COL18A1: variants seen among roughly 807,000 people sequenced by gnomAD.
COL18A1 encodes the protein collagen type XVIII alpha 1 chain.
In COL18A1, 133 loss-of-function variants were observed where a neutral mutation model predicts 168.0. The observed-to-expected ratio is 0.79, with a 90% confidence interval of 0.69 to 0.91. The LOEUF is 0.91. Ranked by LOEUF, COL18A1 falls within the 40% of genes least tolerant of loss-of-function variation. The pLI is 0.00. For missense variants in COL18A1, 2,126 were observed against 1,925.4 expected, an observed-to-expected ratio of 1.10 and a Z score of -1.95; for synonymous variants, 949 against 809.0, an observed-to-expected ratio of 1.17 and a Z score of -2.94.
intron 2 of COL18A1, among the ~76,000 whole-genome samples, chr21:45,454,059 C>T (rs2034719589): frequency 6.6e-6 from 1 of 152,188 alleles, no homozygotes; most frequent in Admixed American, 6.5e-5. Context: ...ACAGCAGCAG[C>T]AGTCAGTTTT....
intron 2 of COL18A1, among the ~76,000 whole-genome samples, chr21:45,433,766 G>C (rs1247069015): frequency 6.6e-6 from 1 of 152,192 alleles, no homozygotes; most frequent in Non-Finnish European, 1.5e-5. Flanking sequence ...CCGTGTGACT[G>C]TTGGGTCATG....
At chr21:45,504,350 G>T in intron 33 of COL18A1, 66 bp from the exon 34 acceptor site, 1 of 1,533,702 alleles carries the variant, frequency 6.5e-7, no homozygotes, top group Non-Finnish European at 8.9e-7. Flanking sequence ...GGCTCGGGGG[G>T]ATGGGAGGCC....
At chr21:45,468,895 ACCCCAGCTGTGGTCAGCCCGGGC>A in intron 3 of COL18A1, 109 bp downstream of exon 3, 4 of 1,193,306 alleles carry the variant, frequency 3.4e-6, no homozygotes, top group Non-Finnish European at 3.4e-6. Context: ...GAGAGCCCCC[ACCCCAGCTGTGGTCAGCCCGGGC>A]CTCCAGCGCA....
intron 13 of COL18A1, among the ~76,000 whole-genome samples, chr21:45,481,721 C>T (rs560400259): frequency 1.3e-5 from 2 of 152,360 alleles, no homozygotes; most frequent in African/African-American, 4.8e-5. Flanking sequence ...CCCTGGTGTG[C>T]AAGCATCTTC....
In COL18A1 at chr21:45,415,874, C is replaced by T. The variant is rs75688537; in HGVS notation, c.106+10401C>T. On this transcript the variant is annotated intron_variant, in intron 2 of 41. Coordinates refer to ENST00000651438, the MANE Select transcript of COL18A1 (RefSeq NM_001379500.1). The stretch of plus-strand genomic sequence containing the variant: ...TTCATAAAGAAAAGCTGACCAGGCA[C>T]GTGCCAAGCAGGCCCTCAGCCCTGA... Among the ~76,000 whole-genome samples, 1,387 of 152,310 alleles carry T rather than the reference C, an allele frequency of 9.1e-3. 36 individuals are homozygous for T. In the East Asian group the frequency reaches 0.098, roughly 11 times the overall value.
rs776665393 is a variant in COL18A1 at position 45,455,771 on chromosome 21, G to A, written c.107-12471G>A. 1 of 1,613,742 alleles carries A rather than the reference G, an allele frequency of 6.2e-7. No individual in the cohort carries two copies. The highest frequency in any genetic ancestry group is 8.5e-7 in the Non-Finnish European group (1 of 1,180,020). ...GCCAGCGACAGCCCCTGGCAGCCCTGAGCCACCCTCAGAGCTGCTGGAAGA... is the reference window on the plus strand; with the variant it reads ...GCCAGCGACAGCCCCTGGCAGCCCTAAGCCACCCTCAGAGCTGCTGGAAGA... On this transcript the variant is annotated intron_variant, in intron 2 of 41. Coordinates refer to ENST00000651438, the MANE Select transcript of COL18A1 (RefSeq NM_001379500.1).
intron 2 of COL18A1, among the ~76,000 whole-genome samples, chr21:45,415,731 A>G (rs1040555950): frequency 2.0e-5 from 3 of 152,180 alleles, no homozygotes; most frequent in African/African-American, 7.2e-5. Context: ...TTGGAGAATG[A>G]GGCAAAGGCG....
intron 2 of COL18A1, among the ~76,000 whole-genome samples, chr21:45,451,095 G>A (rs1030501782): frequency 6.6e-6 from 1 of 152,256 alleles, no homozygotes; most frequent in Non-Finnish European, 1.5e-5. Flanking sequence ...GTTCTGAGCT[G>A]TTAGCCTCAG....
At chr21:45,482,087 CG>C in intron 14 of COL18A1, 62 bp downstream of exon 14, 3 of 1,377,628 alleles carry the variant, frequency 2.2e-6, no homozygotes, top group Admixed American at 3.6e-5. Context: ...GGCCCGGGTC[CG>C]GGGGTGCCTG....
chr21:45,480,938 G>A (rs2035870128), intron 13 of COL18A1, 80 bp downstream of exon 13: 2 of 1,527,148 alleles, frequency 1.3e-6, no homozygotes, highest in Admixed American at 3.9e-5. Context: ...GGGAGCCCCT[G>A]CCCCGCCTCA....
At chr21:45,487,654 T>C (rs2036163945) in intron 17 of COL18A1, 145 bp downstream of exon 17, 4 of 1,040,138 alleles carry the variant, frequency 3.8e-6, no homozygotes, top group Non-Finnish European at 4.4e-6. Context: ...GCGGGCGCTG[T>C]GCCCCGCGGG....
At chr21:45,483,231 C>T (rs553057268) in intron 15 of COL18A1, among the ~76,000 whole-genome samples, 27 of 152,094 alleles carry the variant, frequency 1.8e-4, no homozygotes, top group Admixed American at 4.6e-4. Context: ...GCTGGGCCCC[C>T]CAACATCCCC....
At chr21:45,480,265 C>A in intron 11 of COL18A1, 109 bp downstream of exon 11, 1 of 1,152,336 alleles carries the variant, frequency 8.7e-7, no homozygotes, top group Non-Finnish European at 1.3e-6. Flanking sequence ...TGCGTGGGGT[C>A]TTGGCTGAGC....
intron 2 of COL18A1, among the ~76,000 whole-genome samples, chr21:45,435,803 C>T (rs965798049): frequency 2.0e-5 from 3 of 152,180 alleles, no homozygotes; most frequent in African/African-American, 7.2e-5. Context: ...TGGCACAGGT[C>T]TGCTCGGAGG....
chr21:45,434,706 G>C (rs2034052238), intron 2 of COL18A1, among the ~76,000 whole-genome samples: 1 of 152,256 alleles, frequency 6.6e-6, no homozygotes, highest in Non-Finnish European at 1.5e-5. Context: ...TGTATATGCA[G>C]GTGGTTCGTG....
Position 45,416,837 on chromosome 21 carries a change from T to TCCCTC in COL18A1, c.106+11365_106+11369dup, listed in dbSNP as rs576141918. Among the ~76,000 whole-genome samples the TCCCTC allele has an allele frequency of 2.1e-4, 32 of 150,718 alleles. No individual in the cohort carries two copies. In the South Asian group the frequency reaches 6.6e-3, roughly 31 times the overall value. ...CGCCTGCCCCTGACAACTCTTCCCT[T>TCCCTC]CCCTCGTTCTGCATATGCTCGTTCT... On this transcript the variant is annotated intron_variant, in intron 2 of 41. Transcript: ENST00000651438.
At chr21:45,466,096 C>T (rs2035199380) in intron 2 of COL18A1, among the ~76,000 whole-genome samples, 1 of 152,122 alleles carries the variant, frequency 6.6e-6, no homozygotes, top group African/African-American at 2.4e-5. Context: ...CCTGGAAAGT[C>T]CGGCTTCTGG....
intron 3 of COL18A1, among the ~76,000 whole-genome samples, chr21:45,470,925 C>CTGGGG (rs199568644): frequency 1.3e-5 from 2 of 151,724 alleles, no homozygotes; most frequent in Admixed American, 6.6e-5. Context: ...TGGGCTGGGG[C>CTGGGG]CCTGCTGGGC....
intron 41 of COL18A1, 114 bp from the exon 42 acceptor site, chr21:45,512,074 C>A (rs2037643375): frequency 3.5e-6 from 4 of 1,157,886 alleles, no homozygotes; most frequent in South Asian, 2.6e-5. Context: ...GCCTCTGCAG[C>A]CCCCTGGTAA....
Sources: allele counts gnomAD v4.1 joint callset (sites outside exome capture counted in the v4.1 genomes callset), GRCh38; gene constraint gnomAD v4.1.1; transcripts MANE v1.5; gene names NCBI Gene and HGNC (gene_info 2026-07-23, HGNC 2026-07-21).